The following MACROD2 variants were observed in gnomAD, a reference collection of about 807,000 sequenced individuals.
MACROD2 encodes mono-ADP ribosylhydrolase 2.
In MACROD2, 36 loss-of-function variants were observed where a neutral mutation model predicts 70.4. The observed-to-expected ratio is 0.51, with a 90% CI of 0.39 to 0.68. The LOEUF (loss-of-function observed/expected upper bound fraction) is 0.68. Among genes scored for constraint, MACROD2 ranks in the 30% least tolerant of loss-of-function variants. The pLI is 0.00. For synonymous variants in MACROD2, 172 were observed against 178.8 expected, an observed-to-expected ratio of 0.96 and a Z score of 0.30; for missense variants, 496 against 538.4, an observed-to-expected ratio of 0.92 and a Z score of 0.78.
intron 3 of MACROD2, among the ~76,000 whole-genome samples, chr20:14,336,849 C>A (rs191701373): frequency 6.6e-6 from 1 of 152,316 alleles, no homozygotes; most frequent in African/African-American, 2.4e-5. Flanking sequence ...GCAGCTCAGG[C>A]ACGATAGCAG....
chr20:15,242,663 T>A (rs974049731), intron 6 of MACROD2, among the ~76,000 whole-genome samples: 6 of 152,238 alleles, frequency 3.9e-5, no homozygotes, highest in African/African-American at 7.2e-5. Flanking sequence ...ATTTAGTTCA[T>A]ATTTGTGGTA....
intron 6 of MACROD2, among the ~76,000 whole-genome samples, chr20:15,406,158 G>A (rs1024120760): frequency 1.3e-5 from 2 of 152,150 alleles, no homozygotes; most frequent in Admixed American, 1.3e-4. Flanking sequence ...ATCCTCACAG[G>A]AACCCAGTGA....
At chr20:15,100,539 A>G (rs1042297510) in intron 5 of MACROD2, among the ~76,000 whole-genome samples, 1 of 152,206 alleles carries the variant, frequency 6.6e-6, no homozygotes, top group Non-Finnish European at 1.5e-5. Flanking sequence ...CAGCTGGCCA[A>G]CACAGAATAC....
chr20:14,917,382 G>C (rs1375459876), intron 5 of MACROD2, among the ~76,000 whole-genome samples: 1 of 151,966 alleles, frequency 6.6e-6, no homozygotes, highest in African/African-American at 2.4e-5. Flanking sequence ...TTGTTCCATT[G>C]TGGGTCCCAT....
At chr20:15,099,988 A>G (rs2075860025) in intron 5 of MACROD2, among the ~76,000 whole-genome samples, 1 of 152,066 alleles carries the variant, frequency 6.6e-6, no homozygotes, top group Admixed American at 6.6e-5. Flanking sequence ...GAGGAAAGTA[A>G]CCCTTGTTAT....
chr20:15,176,242 T>C (rs907435345), intron 5 of MACROD2, among the ~76,000 whole-genome samples: 2 of 152,034 alleles, frequency 1.3e-5, no homozygotes, highest in Non-Finnish European at 2.9e-5. Flanking sequence ...AGCCTGGGCG[T>C]TGTGGATGGC....
intron 6 of MACROD2, among the ~76,000 whole-genome samples, chr20:15,272,507 T>C (rs1003258845): frequency 6.6e-6 from 1 of 152,240 alleles, no homozygotes; most frequent in Non-Finnish European, 1.5e-5. Context: ...GTAAACTGTT[T>C]TCAGAACTGT....
intron 4 of MACROD2, among the ~76,000 whole-genome samples, chr20:14,663,525 C>T (rs1568726706): frequency 8.3e-6 from 1 of 120,684 alleles, no homozygotes; most frequent in Admixed American, 9.3e-5. Context: ...TGTATACACA[C>T]ACACACACAC....
intron 8 of MACROD2, among the ~76,000 whole-genome samples, chr20:15,503,511 G>A (rs1419362772): frequency 6.6e-6 from 1 of 152,186 alleles, no homozygotes; most frequent in Admixed American, 6.5e-5. Context: ...TGTTGTATAA[G>A]TGAACTACAT....
At position 14,949,054 on chromosome 20, in the gene MACROD2, A is replaced by G. The variant is rs191488737; in HGVS notation, c.418+264095A>G. ...AAGGTTAATAGTCAGTTATTTTTGGAAAATATGTACACTTTTCACTTCGAT... is the reference window on the plus strand; with the variant it reads ...AAGGTTAATAGTCAGTTATTTTTGGGAAATATGTACACTTTTCACTTCGAT... On this transcript the variant is annotated intron_variant, in intron 5 of 17. Coordinates refer to ENST00000684519, the MANE Select transcript of MACROD2 (RefSeq NM_001351661.2). Among the ~76,000 whole-genome samples, 35 of 152,286 alleles carry G rather than the reference A, an allele frequency of 2.3e-4. No homozygotes were observed. The East Asian group carries it at 6.6e-3, about 29-fold the overall frequency.
Position 14,054,014 on chromosome 20 carries a change from C to T in MACROD2, c.164-31607C>T, listed in dbSNP as rs2053603979. 2.6e-5 allele frequency among the ~76,000 whole-genome samples: 4 copies of T among 151,938 alleles called. No homozygotes were observed. In the South Asian group the frequency reaches 8.3e-4, roughly 31 times the overall value. The stretch of plus-strand genomic sequence containing the variant: ...GAGTGTAACTATGTTATATAGAAAC[C>T]ATCTTGCGAATTGGTTTGTGTGGGT... On this transcript the variant is annotated intron_variant, in intron 2 of 17. Transcript: ENST00000684519.
chr20:15,703,743 TG>T (rs2050493489), intron 8 of MACROD2, among the ~76,000 whole-genome samples: 1 of 152,180 alleles, frequency 6.6e-6, no homozygotes, highest in African/African-American at 2.4e-5. Flanking sequence ...AAGGCTCAGC[TG>T]GGTCTACAGG....
chr20:15,588,909 C>T (rs1004313000), intron 8 of MACROD2, among the ~76,000 whole-genome samples: 7 of 152,198 alleles, frequency 4.6e-5, no homozygotes, highest in African/African-American at 1.7e-4. Context: ...TGCCTGTTAC[C>T]CAGTTCCAAA....
At chr20:14,485,164 A>C (rs1429023374) in intron 3 of MACROD2, among the ~76,000 whole-genome samples, 1 of 152,168 alleles carries the variant, frequency 6.6e-6, no homozygotes, top group East Asian at 1.9e-4. Flanking sequence ...ACACACATAC[A>C]CAGACACACA....
intron 3 of MACROD2, among the ~76,000 whole-genome samples, chr20:14,103,157 A>G (rs578129065): frequency 1.3e-5 from 2 of 152,290 alleles, no homozygotes; most frequent in South Asian, 4.1e-4. Context: ...AAGGAATTAG[A>G]AGATAATTCT....
At chr20:15,328,195 G>A in intron 6 of MACROD2, among the ~76,000 whole-genome samples, 1 of 151,826 alleles carries the variant, frequency 6.6e-6, no homozygotes, top group East Asian at 1.9e-4. Flanking sequence ...TAGGGAATTT[G>A]ACAAGCAGAT....
intron 3 of MACROD2, among the ~76,000 whole-genome samples, chr20:14,089,004 T>C: frequency 6.6e-6 from 1 of 152,220 alleles, no homozygotes; most frequent in Non-Finnish European, 1.5e-5. Flanking sequence ...TTTGTTCTTT[T>C]AAATATTATT....
At chr20:15,953,214 G>C (rs1243415836) in intron 12 of MACROD2, among the ~76,000 whole-genome samples, 1 of 152,054 alleles carries the variant, frequency 6.6e-6, no homozygotes, top group Non-Finnish European at 1.5e-5. Flanking sequence ...GGAAAGGGGA[G>C]GGGGAAGTGG....
At chr20:14,021,662 T>G (rs1376812755) in intron 2 of MACROD2, among the ~76,000 whole-genome samples, 1 of 152,202 alleles carries the variant, frequency 6.6e-6, no homozygotes. Flanking sequence ...TAATTTATAA[T>G]GTGAAAAGCA....
Sources: allele counts gnomAD v4.1 joint callset (sites outside exome capture counted in the v4.1 genomes callset), GRCh38; gene constraint gnomAD v4.1.1; transcripts MANE v1.5; gene names NCBI Gene and HGNC (gene_info 2026-07-23, HGNC 2026-07-21).